The following EFCAB8 variants were observed in gnomAD, a reference collection of about 807,000 sequenced individuals.
The protein encoded by EFCAB8 is EF-hand calcium binding domain 8.
EFCAB8 carries 100 observed loss-of-function variants against 116.3 expected under a neutral mutation model. The ratio of observed to expected loss-of-function variants is 0.86; its 90% CI spans 0.73 to 1.02. The LOEUF (loss-of-function observed/expected upper bound fraction) is 1.02. EFCAB8 is among the 50% of genes least tolerant of loss of function. The probability of loss-of-function intolerance (pLI) is 0.00; values close to 1 mark genes in which losing one functional copy is unlikely to be tolerated. For synonymous variants in EFCAB8, 558 were observed against 567.9 expected, an observed-to-expected ratio of 0.98 and a Z score of 0.25; for missense variants, 1,320 against 1,416.9, an observed-to-expected ratio of 0.93 and a Z score of 1.10.
chr20:32,865,344 G>A (rs572328750), intron 2 of EFCAB8, among the ~76,000 whole-genome samples: 123 of 152,236 alleles, frequency 8.1e-4, no homozygotes, highest in African/African-American at 2.7e-3. Flanking sequence ...CCGAATGCTT[G>A]CTGGGCTTGG....
At chr20:32,914,259 C>T (rs1987080253) in intron 17 of EFCAB8, among the ~76,000 whole-genome samples, 1 of 152,198 alleles carries the variant, frequency 6.6e-6, no homozygotes, top group Non-Finnish European at 1.5e-5. Flanking sequence ...GTGCTGTGGT[C>T]CCATGGGCAC....
rs115490400 is a variant in EFCAB8, at chr20:32,952,217, A to G, written c.2960-6204A>G. 1.9e-3 allele frequency among the ~76,000 whole-genome samples: 291 copies of G among 152,222 alleles called. 1 individual carries two copies. The highest frequency in any genetic ancestry group is 6.7e-3 in the African/African-American group (279 of 41,540). On this transcript the variant is annotated intron_variant, in intron 23 of 26. Coordinates refer to ENST00000400522, the MANE Select transcript of EFCAB8 (RefSeq NM_001143967.2). ...GAGGTTGAAGATGCAGTAATCTGTGATTGAGCCACTGCACTACAGCCTGGG... is the reference window on the plus strand; with the variant it reads ...GAGGTTGAAGATGCAGTAATCTGTGGTTGAGCCACTGCACTACAGCCTGGG...
At position 32,939,159 on chromosome 20, in the gene EFCAB8, C is replaced by CTT. The variant is rs1208905408; in HGVS notation, c.2791-4475_2791-4474dup. On this transcript the variant is annotated intron_variant, in intron 22 of 26. Coordinates refer to ENST00000400522, the MANE Select transcript of EFCAB8 (RefSeq NM_001143967.2). The stretch of plus-strand genomic sequence containing the variant: ...TCTTTCTTTCTTTCTTTCTTTCTTT[C>CTT]TTTCTTTCTTTCTTTCTTTCTTTCT... Among the ~76,000 whole-genome samples the CTT allele has an allele frequency of 9.5e-5, 8 of 84,410 alleles. 2 individuals are homozygous for CTT. The East Asian group carries it at 2.1e-3, about 22-fold the overall frequency. The allele number at this position is 84,410 out of a possible 152,430, so 55.4% of individuals were successfully genotyped here. A position where few individuals can be genotyped will look rare whatever the true frequency, so the allele number is the denominator to read the frequency against.
chr20:32,949,192 T>C (rs758013550), intron 23 of EFCAB8, among the ~76,000 whole-genome samples: 7 of 152,142 alleles, frequency 4.6e-5, no homozygotes, highest in Non-Finnish European at 7.4e-5. Flanking sequence ...CAGCCAGAAA[T>C]TGAAGTAAAA....
At chr20:32,921,428 CTGGTCTCGAACT>C (rs1052370709) in intron 20 of EFCAB8, among the ~76,000 whole-genome samples, 1 of 151,240 alleles carries the variant, frequency 6.6e-6, no homozygotes, top group Non-Finnish European at 1.5e-5. Flanking sequence ...GCTGCCCATG[CTGGTCTCGAACT>C]CCTGGGCTCA....
Position 32,931,107 on chromosome 20 carries a change from G to A in EFCAB8, c.2632-71G>A, listed in dbSNP as rs1987890664. 3 of 1,323,102 alleles carry A rather than the reference G, an allele frequency of 2.3e-6. No homozygotes were observed. The South Asian group carries it at 4.5e-5, about 20-fold the overall frequency. The allele number at this position is 1,323,102 out of a possible 1,614,324, so 82.0% of individuals were successfully genotyped here. A position where few individuals can be genotyped will look rare whatever the true frequency, so the allele number is the denominator to read the frequency against. Reference sequence around the variant, plus strand: ...CACCAAATGAAGAGGAATGGTCTGGGAGGAGCCCGCAGAGTGAGTTGGGGT... The same window carrying A: ...CACCAAATGAAGAGGAATGGTCTGGAAGGAGCCCGCAGAGTGAGTTGGGGT... On this transcript the variant is annotated intron_variant, in intron 21 of 26. Coordinates refer to ENST00000400522, the MANE Select transcript of EFCAB8 (RefSeq NM_001143967.2).
intron 14 of EFCAB8, among the ~76,000 whole-genome samples, chr20:32,908,959 T>G (rs565874329): frequency 6.6e-6 from 1 of 151,974 alleles, no homozygotes; most frequent in Admixed American, 6.6e-5. Flanking sequence ...CAGGAAAGAT[T>G]GGGACAAGCA....
chr20:32,874,992 T>A (rs1984878649), intron 3 of EFCAB8, among the ~76,000 whole-genome samples: 1 of 152,150 alleles, frequency 6.6e-6, no homozygotes, highest in Non-Finnish European at 1.5e-5. Context: ...CAGGTGATCT[T>A]CCCGCCTCTG....
intron 10 of EFCAB8, among the ~76,000 whole-genome samples, chr20:32,898,038 A>T (rs528827168): frequency 2.6e-5 from 4 of 152,278 alleles, no homozygotes; most frequent in Admixed American, 1.3e-4. Context: ...AGTTGCCGTG[A>T]AATGCACATT....
chr20:32,930,213 T>A (rs1338298948), intron 20 of EFCAB8, among the ~76,000 whole-genome samples, 185 bp from the exon 21 acceptor site: 2 of 152,210 alleles, frequency 1.3e-5, no homozygotes, highest in African/African-American at 4.8e-5. Context: ...CCTCTAGTAG[T>A]TCATAGTCGA....
At chr20:32,869,371 G>A (rs1169525714) in intron 3 of EFCAB8, among the ~76,000 whole-genome samples, 4 of 152,134 alleles carry the variant, frequency 2.6e-5, no homozygotes, top group African/African-American at 9.7e-5. Context: ...AAGTAGCTGG[G>A]ATTACTGGTA....
At chr20:32,895,666 G>A (rs1986125083) in intron 9 of EFCAB8, among the ~76,000 whole-genome samples, 1 of 149,008 alleles carries the variant, frequency 6.7e-6, no homozygotes, top group African/African-American at 2.4e-5. Flanking sequence ...CTGCCTTTCG[G>A]GTTCAAGTGA....
chr20:32,937,051 T>A (rs1273466950), intron 22 of EFCAB8, among the ~76,000 whole-genome samples: 1 of 152,098 alleles, frequency 6.6e-6, no homozygotes, highest in Non-Finnish European at 1.5e-5. Flanking sequence ...TATTTTATTT[T>A]AAAATACCTG....
At chr20:32,898,764 G>A (rs1353666476) in intron 11 of EFCAB8, 141 bp downstream of exon 11, 5 of 609,236 alleles carry the variant, frequency 8.2e-6, no homozygotes, top group Non-Finnish European at 1.5e-5. Context: ...GCCAGCAGCA[G>A]CACGGTGAGA....
intron 10 of EFCAB8, among the ~76,000 whole-genome samples, chr20:32,897,766 C>T (rs570147256): frequency 6.5e-4 from 99 of 152,308 alleles, no homozygotes; most frequent in Non-Finnish European, 1.3e-3. Flanking sequence ...CCAGGTCTCA[C>T]TCAGTGTCTT....
intron 2 of EFCAB8, among the ~76,000 whole-genome samples, chr20:32,867,017 G>A (rs188771713): frequency 2.2e-4 from 34 of 151,646 alleles, no homozygotes; most frequent in African/African-American, 7.3e-4. Context: ...TCCTGGGTTC[G>A]AGTGATTCTC....
At position 32,918,376 on chromosome 20, in the gene EFCAB8, C is replaced by G; in HGVS notation, c.2076C>G (p.Asn692Lys). Residue 692 changes from asparagine (N) to lysine (K), a missense_variant, in exon 19 of 27, where the codon AAC becomes AAG. Coordinates refer to ENST00000400522, the MANE Select transcript of EFCAB8 (RefSeq NM_001143967.2). ...PLQPKRVQDV[N>K]NCLAESHRPS... ...TCTTGGTACAGGTGCAAGATGTGAA[C>G]AACTGCCTGGCTGAGAGCCACAGGC... 1.3e-6 allele frequency: 2 copies of G among 1,551,728 alleles called. No homozygotes were observed. The highest frequency in any genetic ancestry group is 1.7e-6 in the Non-Finnish European group (2 of 1,146,984).
chr20:32,961,332 C>T lies in EFCAB8; in HGVS notation c.3590C>T (p.Ser1197Phe), dbSNP rs1989144731. The T allele has an allele frequency of 6.7e-7, 1 of 1,486,980 alleles. No homozygotes were observed. The highest frequency in any genetic ancestry group is 1.4e-5 in the African/African-American group (1 of 70,800). 92.1% of individuals were successfully genotyped at this position (1,486,980 alleles called of 1,614,324 possible). A position where few individuals can be genotyped will look rare whatever the true frequency, so the allele number is the denominator to read the frequency against. Residue 1197 changes from serine (S) to phenylalanine (F), a missense_variant, in exon 27 of 27, where the codon TCC becomes TTC. By Grantham distance (155) the Ser-to-Phe change is radical. Coordinates refer to ENST00000400522, the MANE Select transcript of EFCAB8 (RefSeq NM_001143967.2). ...DTTDSTPAAASSPSSLLSVTA... is the reference protein window; with the variant it reads ...DTTDSTPAAAFSPSSLLSVTA... The stretch of plus-strand genomic sequence containing the variant: ...ACGGACAGCACGCCTGCGGCCGCCT[C>T]CTCCCCATCTTCCTTGTTATCTGTC...
At chr20:32,894,746 G>A (rs188815052) in intron 9 of EFCAB8, among the ~76,000 whole-genome samples, 4 of 152,342 alleles carry the variant, frequency 2.6e-5, no homozygotes, top group African/African-American at 4.8e-5. Context: ...TATAAGAAAC[G>A]TGGAACGTTA....
Sources: allele counts gnomAD v4.1 joint callset (sites outside exome capture counted in the v4.1 genomes callset), GRCh38; gene constraint gnomAD v4.1.1; transcripts MANE v1.5; gene names NCBI Gene and HGNC (gene_info 2026-07-23, HGNC 2026-07-21).